CAMK1D: variants seen among roughly 807,000 people sequenced by gnomAD.
CAMK1D encodes the protein calcium/calmodulin dependent protein kinase ID.
A neutral mutation model predicts 47.7 loss-of-function variants in CAMK1D; 9 were observed. The observed-to-expected ratio is 0.19, with a 90% CI of 0.11 to 0.33. The LOEUF (loss-of-function observed/expected upper bound fraction) is 0.33. Ranked by LOEUF, CAMK1D falls within the 10% of genes least tolerant of loss-of-function variation. The pLI, the probability that CAMK1D is intolerant of heterozygous loss-of-function variation, is 1.00. For missense variants in CAMK1D, 291 were observed against 488.7 expected (o/e 0.60, Z 3.81); for synonymous variants, 184 against 184.9 (o/e 0.99, Z 0.04).
chr10:12,502,524 C>T (rs909301668), intron 1 of CAMK1D, among the ~76,000 whole-genome samples: 1 of 152,148 alleles, frequency 6.6e-6, no homozygotes, highest in Non-Finnish European at 1.5e-5. Context: ...TCTCAGCAGC[C>T]CCGCAAGGCA....
At chr10:12,547,682 T>TCA (rs1554786375) in intron 1 of CAMK1D, among the ~76,000 whole-genome samples, 2,221 of 116,530 alleles carry the variant, frequency 0.019, 24 homozygotes, top group Non-Finnish European at 0.024. Flanking sequence ...TTTCTCTCTC[T>TCA]CACACACACA....
chr10:12,821,421 T>G (rs1453462474), intron 8 of CAMK1D, among the ~76,000 whole-genome samples: 1 of 152,098 alleles, frequency 6.6e-6, no homozygotes, highest in African/African-American at 2.4e-5. Context: ...AGAGCTCCGG[T>G]TGGCTGTAGG....
chr10:12,523,699 A>C (rs1037550090), intron 1 of CAMK1D, among the ~76,000 whole-genome samples: 1 of 152,194 alleles, frequency 6.6e-6, no homozygotes, highest in Non-Finnish European at 1.5e-5. Flanking sequence ...GCAGCAGTAC[A>C]GTCCAGCTTT....
chr10:12,553,174 T>A (rs1210029793), intron 1 of CAMK1D, 51 bp from the exon 2 acceptor site: 1 of 1,611,966 alleles, frequency 6.2e-7, no homozygotes, highest in Non-Finnish European at 8.5e-7. Context: ...GGAGCCATTG[T>A]GAAACTGGAC....
At chr10:12,448,832 A>C (rs1832997685) in intron 1 of CAMK1D, among the ~76,000 whole-genome samples, 1 of 152,162 alleles carries the variant, frequency 6.6e-6, no homozygotes, top group Admixed American at 6.5e-5. Context: ...GAGTGTGATC[A>C]CAGGGGCACG....
intron 1 of CAMK1D, among the ~76,000 whole-genome samples, chr10:12,512,905 C>A (rs1401998619): frequency 6.6e-6 from 1 of 152,134 alleles, no homozygotes; most frequent in African/African-American, 2.4e-5. Flanking sequence ...ATAGATGGAC[C>A]GGAGCGAGCA....
chr10:12,676,009 A>G (rs1372639771), intron 3 of CAMK1D, among the ~76,000 whole-genome samples: 6 of 151,984 alleles, frequency 3.9e-5, no homozygotes, highest in Non-Finnish European at 7.4e-5. Flanking sequence ...CTGGAGTGCA[A>G]TGGCGCGATC....
intron 1 of CAMK1D, among the ~76,000 whole-genome samples, chr10:12,501,553 G>T (rs1010936895): frequency 1.3e-5 from 2 of 152,180 alleles, no homozygotes; most frequent in African/African-American, 4.8e-5. Flanking sequence ...GGGCTCGGAG[G>T]AAATAAAAAG....
At chr10:12,458,620 G>T (rs1261284841) in intron 1 of CAMK1D, among the ~76,000 whole-genome samples, 1 of 151,694 alleles carries the variant, frequency 6.6e-6, no homozygotes, top group Non-Finnish European at 1.5e-5. Context: ...GTAGAAATGA[G>T]GTCTCACTGT....
intron 1 of CAMK1D, among the ~76,000 whole-genome samples, chr10:12,395,957 T>A (rs1202478773): frequency 6.6e-6 from 1 of 151,230 alleles, no homozygotes; most frequent in Non-Finnish European, 1.5e-5. Context: ...GTTGTTAACC[T>A]CTGCCTCCTG....
At chr10:12,645,166 A>C (rs1325279705) in intron 2 of CAMK1D, among the ~76,000 whole-genome samples, 1 of 151,906 alleles carries the variant, frequency 6.6e-6, no homozygotes, top group Admixed American at 6.6e-5. Context: ...GGCTCAGTGA[A>C]CATGTTCCCA....
chr10:12,709,679 A>G (rs1833864386), intron 3 of CAMK1D, among the ~76,000 whole-genome samples: 1 of 152,156 alleles, frequency 6.6e-6, no homozygotes, highest in South Asian at 2.1e-4. Context: ...AGGATTATGG[A>G]GTGATTCAGT....
rs183555803 is a variant in CAMK1D at position 12,648,951 on chromosome 10, T to A, written c.225-17785T>A. Among the ~76,000 whole-genome samples the A allele has an allele frequency of 1.4e-4, 21 of 152,322 alleles. No individual in the cohort carries two copies. The East Asian group carries it at 4.1e-3, about 29-fold the overall frequency. On this transcript the variant is annotated intron_variant, in intron 2 of 10. Coordinates refer to ENST00000619168, the MANE Select transcript of CAMK1D (RefSeq NM_153498.4). ...GGAGAGCAGTGGTGCAGTCATAACC[T>A]TGACCTCCTGGGCTCAAGTCATCCA...
At chr10:12,788,248 T>C (rs1784437269) in intron 5 of CAMK1D, among the ~76,000 whole-genome samples, 1 of 152,158 alleles carries the variant, frequency 6.6e-6, no homozygotes, top group South Asian at 2.1e-4. Context: ...TGGAGTGCAA[T>C]GGCGTGATCA....
Position 12,831,549 on chromosome 10 carries a change from C to G in CAMK1D, c.*2662C>G, listed in dbSNP as rs1031540849. ...TATATGCACTTAGTTTGAAAGTATC[C>G]CTCACCCAAAAAGTGCAGAACCTCT... On this transcript the variant is annotated 3_prime_UTR_variant, in exon 11 of 11. Coordinates refer to ENST00000619168, the MANE Select transcript of CAMK1D (RefSeq NM_153498.4). 1 of 152,158 alleles carries G rather than the reference C, an allele frequency of 6.6e-6. No homozygotes were observed. The highest frequency in any genetic ancestry group is 2.1e-4 in the South Asian group (1 of 4,832). The allele number at this position is 152,158 out of a possible 1,614,324, so 9.4% of individuals were successfully genotyped here.
At chr10:12,737,764 C>T (rs1014534375) in intron 3 of CAMK1D, among the ~76,000 whole-genome samples, 4 of 152,196 alleles carry the variant, frequency 2.6e-5, no homozygotes, top group East Asian at 1.9e-4. Context: ...GTAAAGGGGA[C>T]GTGAGCTACA....
intron 3 of CAMK1D, among the ~76,000 whole-genome samples, chr10:12,748,560 G>A (rs947506517): frequency 6.6e-6 from 1 of 152,196 alleles, no homozygotes; most frequent in Non-Finnish European, 1.5e-5. Flanking sequence ...GCTGCTGTAA[G>A]CTTTGGGTTT....
intron 3 of CAMK1D, among the ~76,000 whole-genome samples, chr10:12,687,016 T>A (rs1832693632): frequency 6.6e-6 from 1 of 151,948 alleles, no homozygotes; most frequent in Admixed American, 6.6e-5. Context: ...GACAAAAAAA[T>A]TTCATTTTTC....
At chr10:12,692,629 C>T (rs1832972900) in intron 3 of CAMK1D, among the ~76,000 whole-genome samples, 1 of 152,030 alleles carries the variant, frequency 6.6e-6, no homozygotes, top group African/African-American at 2.4e-5. Context: ...TCTTCATAGC[C>T]AAAACAATTT....
Sources: gnomAD v4.1 joint callset for allele counts (sites outside exome capture counted in the v4.1 genomes callset) on GRCh38, gnomAD v4.1.1 for gene constraint, MANE v1.5 for transcripts, NCBI Gene and HGNC (gene_info 2026-07-23, HGNC 2026-07-21) for gene names.